CDC42BPA: variants seen among roughly 807,000 people sequenced by gnomAD.
CDC42BPA encodes CDC42 binding protein kinase alpha.
In CDC42BPA, 80 loss-of-function variants were observed where a neutral mutation model predicts 223.5. The observed-to-expected ratio is 0.36, with a 90% CI of 0.30 to 0.43. The LOEUF is 0.43. Among genes scored for constraint, CDC42BPA ranks in the 20% least tolerant of loss-of-function variants. The pLI, the probability that CDC42BPA is intolerant of heterozygous loss-of-function variation, is 1.00. For missense variants in CDC42BPA, 1,743 were observed against 2,099.9 expected (o/e 0.83, Z 3.32); for synonymous variants, 694 against 718.6 (o/e 0.97, Z 0.55).
chr1:227,047,964 T>C lies in CDC42BPA; in HGVS notation c.3056A>G (p.Lys1019Arg), dbSNP rs1363085969. 1 of 1,611,860 alleles carries C rather than the reference T, an allele frequency of 6.2e-7. No individual in the cohort carries two copies. The stretch of plus-strand genomic sequence containing the variant: ...GCCAGTTGAACCAGGACATCCTTTT[T>C]TCCTTAAGGTTGGTGTGTGAACTGA... Reference protein sequence around the residue: ...PLSVHTPTLRKKGCPGSTGFP... With the variant: ...PLSVHTPTLRRKGCPGSTGFP... The change falls in exon 23 of 37, where the codon AAA becomes AGA. Residue 1019 changes from lysine (K) to arginine (R), a missense_variant. Lys to Arg is a conservative substitution (Grantham distance 26, BLOSUM62 2). Transcript: ENST00000366766.
intron 27 of CDC42BPA, among the ~76,000 whole-genome samples, chr1:227,031,880 C>G (rs1669352368): frequency 6.6e-6 from 1 of 152,156 alleles, no homozygotes; most frequent in Non-Finnish European, 1.5e-5. Flanking sequence ...ACTCATTTAA[C>G]TCTGTTAACA....
chr1:227,309,138 A>G (rs6693234), intron 1 of CDC42BPA, among the ~76,000 whole-genome samples: 46,295 of 150,804 alleles, frequency 0.31, 7,301 homozygotes, highest in East Asian at 0.37. Context: ...GGCCAAGGTC[A>G]GAGAATTGCT....
At chr1:227,148,101 A>T (rs1661019510) in intron 6 of CDC42BPA, among the ~76,000 whole-genome samples, 1 of 152,160 alleles carries the variant, frequency 6.6e-6, no homozygotes, top group African/African-American at 2.4e-5. Context: ...TCAAAATCTA[A>T]AGTTCCAATA....
At chr1:227,302,980 T>C (rs1691906372) in intron 1 of CDC42BPA, among the ~76,000 whole-genome samples, 1 of 151,276 alleles carries the variant, frequency 6.6e-6, no homozygotes, top group Non-Finnish European at 1.5e-5. Flanking sequence ...AAAATACTGA[T>C]AGTTTTATGT....
At chr1:227,277,366 G>T (rs189547550) in intron 1 of CDC42BPA, among the ~76,000 whole-genome samples, 28 of 152,212 alleles carry the variant, frequency 1.8e-4, no homozygotes, top group Admixed American at 5.9e-4. Context: ...ATGTAGAAAT[G>T]GCACCATTAT....
chr1:227,043,211 G>A lies in CDC42BPA; in HGVS notation c.3094-2975C>T, dbSNP rs1572441008. ...GGGCGGATCACGAGGTCCAGAGATC[G>A]AGACCATCCCAGCCAACATGGTGAA... is the stretch of plus-strand genomic sequence containing the variant. On this transcript the variant is annotated intron_variant, in intron 23 of 36. Coordinates refer to ENST00000366766, the MANE Select transcript of CDC42BPA (RefSeq NM_001394014.1). 3.3e-5 allele frequency among the ~76,000 whole-genome samples: 5 copies of A among 151,946 alleles called. No homozygotes were observed. The South Asian group carries it at 8.3e-4, about 25-fold the overall frequency.
At chr1:227,030,602 C>T (rs773276179) in intron 28 of CDC42BPA, 132 bp from the exon 29 acceptor site, 23 of 555,308 alleles carry the variant, frequency 4.1e-5, no homozygotes, top group Non-Finnish European at 5.4e-5. Context: ...ACACTATTTC[C>T]TTTCAGATTA....
chr1:227,076,765 G>A (rs998176035), intron 17 of CDC42BPA, among the ~76,000 whole-genome samples: 1 of 151,826 alleles, frequency 6.6e-6, no homozygotes. Flanking sequence ...TATTTCCATT[G>A]GTTCCTTTAA....
intron 10 of CDC42BPA, among the ~76,000 whole-genome samples, chr1:227,130,578 G>C (rs1156950926): frequency 2.6e-5 from 4 of 152,130 alleles, no homozygotes; most frequent in African/African-American, 9.7e-5. Flanking sequence ...GGGAGGTGTA[G>C]GTGCGGTGGC....
chr1:227,183,655 C>A (rs889606220), intron 5 of CDC42BPA, among the ~76,000 whole-genome samples: 1 of 152,208 alleles, frequency 6.6e-6, no homozygotes. Context: ...CCTCTATGAA[C>A]ACACAAGTAC....
At chr1:227,075,105 G>T (rs959410315) in intron 17 of CDC42BPA, among the ~76,000 whole-genome samples, 1 of 152,052 alleles carries the variant, frequency 6.6e-6, no homozygotes, top group African/African-American at 2.4e-5. Context: ...AAAAAAGAAG[G>T]TCCTATTCTC....
chr1:227,195,781 A>G (rs558072457), intron 4 of CDC42BPA, among the ~76,000 whole-genome samples: 2 of 152,280 alleles, frequency 1.3e-5, no homozygotes, highest in African/African-American at 4.8e-5. Context: ...CTACTTTTAA[A>G]ATATTACCCA....
At chr1:227,150,847 A>G (rs1191816257) in intron 6 of CDC42BPA, among the ~76,000 whole-genome samples, 2 of 131,996 alleles carry the variant, frequency 1.5e-5, no homozygotes, top group African/African-American at 5.6e-5. Flanking sequence ...CACCCACTTT[A>G]CCTCCCTGAA....
intron 21 of CDC42BPA, among the ~76,000 whole-genome samples, chr1:227,066,400 C>G (rs1192758614): frequency 7.2e-6 from 1 of 138,794 alleles, no homozygotes; most frequent in Non-Finnish European, 1.6e-5. Flanking sequence ...AAAAAAAAAA[C>G]AAAAACAAAA....
At position 227,160,649 on chromosome 1, in the gene CDC42BPA, A is replaced by G. The variant is rs760386054; in HGVS notation, c.600-13T>C. 1 of 1,365,864 alleles carries G rather than the reference A, an allele frequency of 7.3e-7. No individual in the cohort carries two copies. The highest frequency in any genetic ancestry group is 1.0e-6 in the Non-Finnish European group (1 of 975,004). 84.6% of individuals were successfully genotyped at this position (1,365,864 alleles called of 1,614,324 possible). ...AGGTTTAATGTCTCTGAAAAAATAA[A>G]TAAATTCAATTTTTAGTGGAAAAAT... On this transcript the variant is annotated splice_polypyrimidine_tract_variant and intron_variant, in intron 5 of 36. Coordinates refer to ENST00000366766, the MANE Select transcript of CDC42BPA (RefSeq NM_001394014.1).
At chr1:227,315,712 G>C (rs897557068) in intron 1 of CDC42BPA, among the ~76,000 whole-genome samples, 10 of 152,084 alleles carry the variant, frequency 6.6e-5, no homozygotes, top group African/African-American at 2.4e-4. Context: ...AGCCAAAATT[G>C]TCTCACTCTT....
intron 2 of CDC42BPA, chr1:227,234,702 C>G (rs1350706409): frequency 6.6e-6 from 1 of 152,262 alleles, no homozygotes; most frequent in Non-Finnish European, 1.5e-5. Flanking sequence ...CTCTCAGCTC[C>G]CATGTGACGG....
chr1:227,318,357 C>G lies in CDC42BPA; in HGVS notation c.-1175G>C, dbSNP rs927840493. The G allele has an allele frequency of 6.6e-6, 1 of 152,128 alleles. No individual in the cohort carries two copies. The highest frequency in any genetic ancestry group is 2.4e-5 in the African/African-American group (1 of 41,358). 9.4% of individuals were successfully genotyped at this position (152,128 alleles called of 1,614,324 possible). ...CTAGAGGCTGCGGCAGCCCGGCTCC[C>G]AACCACTCCCTTCCTCTCCCTTCCA... On this transcript the variant is annotated 5_prime_UTR_variant, in exon 1 of 37. Coordinates refer to ENST00000366766, the MANE Select transcript of CDC42BPA (RefSeq NM_001394014.1).
At position 227,060,020 on chromosome 1, in the gene CDC42BPA, G is replaced by GTTTTT. The variant is rs143944932; in HGVS notation, c.2905-8040_2905-8036dup. On this transcript the variant is annotated intron_variant, in intron 21 of 36. Transcript: ENST00000366766. ...AAAAAAGGAACAATTATCTCAAAAA[G>GTTTTT]TTTTTTTTTGTTTTTTTTTTTTTTT... 5.2e-4 allele frequency among the ~76,000 whole-genome samples: 49 copies of GTTTTT among 94,164 alleles called. 2 individuals carry two copies. Among genetic ancestry groups the GTTTTT allele is most frequent in the African/African-American group, 2.0e-3 (41 of 20,342 alleles). The allele number at this position is 94,164 out of a possible 152,430, so 61.8% of individuals were successfully genotyped here.
Sources: allele counts gnomAD v4.1 joint callset (sites outside exome capture counted in the v4.1 genomes callset), GRCh38; gene constraint gnomAD v4.1.1; transcripts MANE v1.5; gene names NCBI Gene and HGNC (gene_info 2026-07-23, HGNC 2026-07-21).